The following OR5A1 variants were observed in gnomAD, a reference collection of about 807,000 sequenced individuals.
OR5A1 encodes the protein olfactory receptor 5A1.
OR5A1 carries 6 observed loss-of-function variants against 6.7 expected under a neutral mutation model. That is an observed-to-expected ratio of 0.89 (90% CI 0.49 to 1.76). OR5A1 has a LOEUF of 1.76. Among genes scored for constraint, OR5A1 ranks in the 40% most tolerant of loss-of-function variants. The pLI is 0.01. For missense variants in OR5A1, 378 were observed against 381.7 expected, an observed-to-expected ratio of 0.99 and a Z score of 0.08; for synonymous variants, 170 against 155.0, an observed-to-expected ratio of 1.10 and a Z score of -0.72.
chr11:59,443,722 C>T lies in OR5A1; in HGVS notation c.554C>T (p.Pro185Leu), dbSNP rs777069094. 2 of 1,613,998 alleles carry T rather than the reference C, an allele frequency of 1.2e-6. No homozygotes were observed. The highest frequency in any genetic ancestry group is 2.7e-5 in the African/African-American group (2 of 74,900). ...ATCAACCACTTCTTCTGCGACCTCC[C>T]ACCAGTCCTGGCTCTGTCTTGCTCT... is the stretch of plus-strand genomic sequence containing the variant. ...NIINHFFCDL[P>L]PVLALSCSDT... Residue 185 changes from proline to leucine, a missense_variant, in exon 2 of 2, where the codon CCA becomes CTA. By Grantham distance (98) the Pro-to-Leu change is moderately conservative. Coordinates refer to ENST00000641045, the MANE Select transcript of OR5A1 (RefSeq NM_001004728.2).
chr11:59,441,379 G>C (rs1858479182), intron 1 of OR5A1, among the ~76,000 whole-genome samples: 1 of 151,860 alleles, frequency 6.6e-6, no homozygotes, highest in Admixed American at 6.6e-5. Flanking sequence ...ATGATTTTTT[G>C]TTTCAATAGT....
At position 59,443,810 on chromosome 11, in the gene OR5A1, C is replaced by G. The variant is rs763040478; in HGVS notation, c.642C>G (p.Phe214Leu). The G allele has an allele frequency of 1.1e-5, 17 of 1,614,110 alleles. No homozygotes were observed. The highest frequency in any genetic ancestry group is 1.7e-5 in the Admixed American group (1 of 60,016). Residue 214 changes from phenylalanine (F) to leucine (L), a missense_variant, in exon 2 of 2, where the codon TTC becomes TTG. Coordinates refer to ENST00000641045, the MANE Select transcript of OR5A1 (RefSeq NM_001004728.2). ...TGGTCACTGTCGGAGGAACATCGTT[C>G]CTCCAACTCCTTATCTCCTATGGTT... ...LVVVTVGGTS[F>L]LQLLISYGYI...
chr11:59,439,216 A>G (rs1273239259), intron 1 of OR5A1, among the ~76,000 whole-genome samples: 1 of 151,998 alleles, frequency 6.6e-6, no homozygotes, highest in Non-Finnish European at 1.5e-5. Flanking sequence ...TCATAAATCA[A>G]CTCTACGAGT....
chr11:59,442,649 C>G (rs12801029), intron 1 of OR5A1, among the ~76,000 whole-genome samples: 1 of 151,986 alleles, frequency 6.6e-6, no homozygotes, highest in Non-Finnish European at 1.5e-5. Flanking sequence ...ATAGCTGAAC[C>G]TAGTTCCGTT....
chr11:59,447,569 A>T lies in OR5A1; in HGVS notation c.*3453A>T, dbSNP rs1369916552. The T allele has an allele frequency of 6.6e-6, 1 of 152,238 alleles. No homozygotes were observed. Among genetic ancestry groups the T allele is most frequent in the Non-Finnish European group, 1.5e-5 (1 of 68,040 alleles). 9.4% of individuals were successfully genotyped at this position (152,238 alleles called of 1,614,324 possible). On this transcript the variant is annotated 3_prime_UTR_variant, in exon 2 of 2. Coordinates refer to ENST00000641045, the MANE Select transcript of OR5A1 (RefSeq NM_001004728.2). ...CCATTACAAGGGAAATTCAAGAAAGAATATGAGAAGGAGAGATTGTCTGAT... is the reference window on the plus strand; with the variant it reads ...CCATTACAAGGGAAATTCAAGAAAGTATATGAGAAGGAGAGATTGTCTGAT...
chr11:59,441,128 C>T (rs1406593515), intron 1 of OR5A1, among the ~76,000 whole-genome samples: 1 of 152,114 alleles, frequency 6.6e-6, no homozygotes, highest in Non-Finnish European at 1.5e-5. Context: ...TAAAGTGGCT[C>T]TCCTAAATTG....
intron 1 of OR5A1, among the ~76,000 whole-genome samples, chr11:59,438,286 A>C (rs1026320): frequency 0.19 from 28,449 of 152,058 alleles, 3,388 homozygotes; most frequent in Non-Finnish European, 0.27. Context: ...AAGAGAGCTA[A>C]AAGAGACACA....
Position 59,443,781 on chromosome 11 carries a change from G to T in OR5A1, c.613G>T (p.Val205Leu). The stretch of plus-strand genomic sequence containing the variant: ...CCTCAGTCAAGTGGTGAATTTCCTC[G>T]TGGTGGTCACTGTCGGAGGAACATC... ...TFLSQVVNFL[V>L]VVTVGGTSFL... is the part of the protein sequence containing the mutation. Residue 205 changes from valine to leucine, a missense_variant, in exon 2 of 2, where the codon GTG becomes TTG. Coordinates refer to ENST00000641045, the MANE Select transcript of OR5A1 (RefSeq NM_001004728.2). The T allele has an allele frequency of 1.9e-6, 3 of 1,614,006 alleles. No homozygotes were observed. Among genetic ancestry groups the T allele is most frequent in the Non-Finnish European group, 2.5e-6 (3 of 1,179,990 alleles).
chr11:59,446,377 G>A lies in OR5A1; in HGVS notation c.*2261G>A, dbSNP rs1858549643. The stretch of plus-strand genomic sequence containing the variant: ...TTTTGTACAAGTACCATGTTGTTTT[G>A]GTTACCATAGACTTGTAGTATAGTT... On this transcript the variant is annotated 3_prime_UTR_variant, in exon 2 of 2. Transcript: ENST00000641045. 1 of 152,104 alleles carries A rather than the reference G, an allele frequency of 6.6e-6. No individual in the cohort carries two copies. Among genetic ancestry groups the A allele is most frequent in the African/African-American group, 2.4e-5 (1 of 41,396 alleles). The allele number at this position is 152,104 out of a possible 1,614,324, so 9.4% of individuals were successfully genotyped here.
chr11:59,443,513 C>T lies in OR5A1; in HGVS notation c.345C>T (p.Cys115=), dbSNP rs1366788887. ...FFFVGMGLSE[C]LLLTAMAYDR... ...TTGTCGGCATGGGTCTGTCTGAGTG[C>T]CTCCTCCTGACTGCTATGGCATACG... Residue 115 remains cysteine (C), a synonymous_variant, in exon 2 of 2, where the codon TGC becomes TGT. Coordinates refer to ENST00000641045, the MANE Select transcript of OR5A1 (RefSeq NM_001004728.2). 1.2e-6 allele frequency: 2 copies of T among 1,613,890 alleles called. No individual in the cohort carries two copies. The highest frequency in any genetic ancestry group is 1.1e-5 in the South Asian group (1 of 91,064).
In OR5A1 at chr11:59,444,063, G is replaced by T; in HGVS notation, c.895G>T (p.Glu299Ter). ...TCTCATTTACAGTTTGAGGAACAAA[G>T]AGATCAAGGATGCCCTGTGGAAGGT... ...NPLIYSLRNK[E>*]IKDALWKVLE... The change falls in exon 2 of 2, where the codon GAG (glutamate) becomes TAG (stop). Residue 299 changes from glutamate (E) to a stop codon, truncating the protein, a stop_gained. Coordinates refer to ENST00000641045, the MANE Select transcript of OR5A1 (RefSeq NM_001004728.2). LOFTEE classifies it high-confidence loss of function. 1 of 1,614,112 alleles carries T rather than the reference G, an allele frequency of 6.2e-7. No homozygotes were observed. Among genetic ancestry groups the T allele is most frequent in the Non-Finnish European group, 8.5e-7 (1 of 1,179,992 alleles).
Position 59,443,620 on chromosome 11 carries a change from C to T in OR5A1, c.452C>T (p.Ala151Val). Residue 151 changes from alanine (A) to valine (V), a missense_variant, in exon 2 of 2, where the codon GCA becomes GTA. Physicochemically the swap from Ala to Val is moderately conservative, Grantham distance 64 (BLOSUM62 0). Transcript: ENST00000641045. Reference sequence around the variant, plus strand: ...CTCTGTACACGCATGGTGGTTGGGGCATATGTTGGTGGCTTCCTGAGCTCC... The same window carrying T: ...CTCTGTACACGCATGGTGGTTGGGGTATATGTTGGTGGCTTCCTGAGCTCC... ...QGLCTRMVVGAYVGGFLSSLI... is the reference protein window; with the variant it reads ...QGLCTRMVVGVYVGGFLSSLI... 1.2e-6 allele frequency: 2 copies of T among 1,614,066 alleles called. No individual in the cohort carries two copies. Among genetic ancestry groups the T allele is most frequent in the Non-Finnish European group, 1.7e-6 (2 of 1,180,022 alleles).
Position 59,450,135 on chromosome 11 carries a change from T to A in OR5A1, c.*6019T>A. On this transcript the variant is annotated 3_prime_UTR_variant, in exon 2 of 2. Coordinates refer to ENST00000641045, the MANE Select transcript of OR5A1 (RefSeq NM_001004728.2). Reference sequence around the variant, plus strand: ...ACAGTTTAAAATACTGGAACCTGACTTCGAAGGCTGTGCTCTTTTGAACAA... The same window carrying A: ...ACAGTTTAAAATACTGGAACCTGACATCGAAGGCTGTGCTCTTTTGAACAA... The A allele has an allele frequency of 6.6e-6, 1 of 152,232 alleles. No homozygotes were observed. The allele number at this position is 152,232 out of a possible 1,614,324, so 9.4% of individuals were successfully genotyped here.
chr11:59,446,356 G>C lies in OR5A1; in HGVS notation c.*2240G>C, dbSNP rs1426611661. 1 of 152,126 alleles carries C rather than the reference G, an allele frequency of 6.6e-6. No homozygotes were observed. The highest frequency in any genetic ancestry group is 2.4e-5 in the African/African-American group (1 of 41,408). The allele number at this position is 152,126 out of a possible 1,614,324, so 9.4% of individuals were successfully genotyped here. ...TCTATTGGTCTACGTGTCTGTTTTTGTACAAGTACCATGTTGTTTTGGTTA... is the reference window on the plus strand; with the variant it reads ...TCTATTGGTCTACGTGTCTGTTTTTCTACAAGTACCATGTTGTTTTGGTTA... On this transcript the variant is annotated 3_prime_UTR_variant, in exon 2 of 2. Transcript: ENST00000641045.
chr11:59,443,382 A>G lies in OR5A1; in HGVS notation c.214A>G (p.Ile72Val). The change falls in exon 2 of 2, where the codon ATT becomes GTT. Residue 72 changes from isoleucine (I) to valine (V), a missense_variant. Transcript: ENST00000641045. ...CTTCTTCCTAAGCAACTTATCTTTC[A>G]TTGACATCTGCTACTCTTCTGCTGT... is the stretch of plus-strand genomic sequence containing the variant. The part of the protein sequence containing the change: ...MYFFLSNLSF[I>V]DICYSSAVAP... 1 of 1,613,716 alleles carries G rather than the reference A, an allele frequency of 6.2e-7. No individual in the cohort carries two copies. Among genetic ancestry groups the G allele is most frequent in the Non-Finnish European group, 8.5e-7 (1 of 1,179,980 alleles).
intron 1 of OR5A1, among the ~76,000 whole-genome samples, chr11:59,438,298 G>A (rs557001095): frequency 1.3e-4 from 20 of 152,230 alleles, no homozygotes; most frequent in Admixed American, 3.3e-4. Context: ...AGAGACACAT[G>A]TTCTCTTCAA....
rs141738605 is a variant in OR5A1, at chr11:59,441,296, C to A, written c.-33-1840C>A. On this transcript the variant is annotated intron_variant, in intron 1 of 1. Coordinates refer to ENST00000641045, the MANE Select transcript of OR5A1 (RefSeq NM_001004728.2). ...ATACTTGTACATAAAAAGTATACACCAAAATATTAAGAGTTATTATTTCAG... is the reference window on the plus strand; with the variant it reads ...ATACTTGTACATAAAAAGTATACACAAAAATATTAAGAGTTATTATTTCAG... Among the ~76,000 whole-genome samples the A allele has an allele frequency of 8.6e-5, 13 of 151,268 alleles. No homozygotes were observed. In the East Asian group the frequency reaches 2.5e-3, roughly 29 times the overall value.
At chr11:59,436,947 TC>T (rs1193119450) in intron 1 of OR5A1, 112 bp downstream of exon 1, 2 of 152,212 alleles carry the variant, frequency 1.3e-5, no homozygotes, top group Admixed American at 1.3e-4. Flanking sequence ...TTTTAGTTTT[TC>T]TCCCTGCACC....
At chr11:59,437,812 A>G (rs983718340) in intron 1 of OR5A1, among the ~76,000 whole-genome samples, 2 of 152,182 alleles carry the variant, frequency 1.3e-5, no homozygotes, top group Non-Finnish European at 2.9e-5. Flanking sequence ...TGTTTTATTA[A>G]TTGTTGTATA....
Sources: gnomAD v4.1 joint callset for allele counts (sites outside exome capture counted in the v4.1 genomes callset) on GRCh38, gnomAD v4.1.1 for gene constraint, MANE v1.5 for transcripts, NCBI Gene and HGNC (gene_info 2026-07-23, HGNC 2026-07-21) for gene names.